Variants in SDK2 observed in about 807,000 individuals in gnomAD.
SDK2 encodes the protein protein sidekick-2.
In SDK2, 105 loss-of-function variants were observed where a neutral mutation model predicts 253.9. The observed-to-expected ratio is 0.41, with a 90% CI of 0.35 to 0.49. The LOEUF is 0.49. Among genes scored for constraint, SDK2 ranks in the 20% least tolerant of loss-of-function variants. The pLI, the probability that SDK2 is intolerant of heterozygous loss-of-function variation, is 0.06. For missense variants in SDK2, 2,608 were observed against 3,003.0 expected (o/e 0.87, Z 3.07); for synonymous variants, 1,249 against 1,234.9 (o/e 1.01, Z -0.24).
intron 18 of SDK2, among the ~76,000 whole-genome samples, chr17:73,412,102 GTATACGTA>G: frequency 1.1e-5 from 1 of 92,328 alleles, no homozygotes; most frequent in African/African-American, 4.0e-5. Flanking sequence ...ACGTATATAT[GTATACGTA>G]TATATGTATA....
intron 37 of SDK2, among the ~76,000 whole-genome samples, chr17:73,366,864 C>T (rs9908830): frequency 0.016 from 2,479 of 152,182 alleles, 74 homozygotes; most frequent in African/African-American, 0.056. Context: ...TTCAGCCTCC[C>T]GATCTCCCCT....
intron 1 of SDK2, among the ~76,000 whole-genome samples, chr17:73,588,237 C>T (rs2045631095): frequency 7.1e-6 from 1 of 140,924 alleles, no homozygotes. Flanking sequence ...AAAATACAAA[C>T]TTAGCTGGGC....
chr17:73,446,744 C>G (rs1336928739), intron 5 of SDK2, among the ~76,000 whole-genome samples: 1 of 152,132 alleles, frequency 6.6e-6, no homozygotes, highest in Non-Finnish European at 1.5e-5. Context: ...TCTGCCTCCC[C>G]CAGCTTGTGT....
Position 73,379,163 on chromosome 17 carries a change from C to T in SDK2, c.4980+14G>A, listed in dbSNP as rs1472323166. ...CATCCGTGCACCCCTTTGCTCTGCCCGAGGGCACCCTACCTTGTACCCCTG... is the reference window on the plus strand; with the variant it reads ...CATCCGTGCACCCCTTTGCTCTGCCTGAGGGCACCCTACCTTGTACCCCTG... On this transcript the variant is annotated intron_variant, in intron 36 of 44. Transcript: ENST00000392650. The surrounding 1 kb of genome is among the most constrained non-coding windows in gnomAD (Gnocchi z 4.5). 2.3e-5 allele frequency: 36 copies of T among 1,548,012 alleles called. 1 individual carries two copies. Among genetic ancestry groups the T allele is most frequent in the South Asian group, 1.1e-4 (9 of 83,942 alleles).
Position 73,393,605 on chromosome 17 carries a change from C to T in SDK2, c.3853G>A (p.Gly1285Ser), listed in dbSNP as rs199620964. 80 of 1,580,806 alleles carry T rather than the reference C, an allele frequency of 5.1e-5. No individual in the cohort carries two copies. Among genetic ancestry groups the T allele is most frequent in the Non-Finnish European group, 1.7e-5 (20 of 1,156,548 alleles). The change falls in exon 27 of 45, where the codon GGC becomes AGC. Residue 1285 changes from glycine (G) to serine (S), a missense_variant. This residue lies in a region of SDK2 where 1,505 missense variants were observed against 1,859.1 expected (regional missense o/e 0.81). Coordinates refer to ENST00000392650, the MANE Select transcript of SDK2 (RefSeq NM_001144952.2). ...QVLAFTRIGD[G>S]SPSHPPILER... Reference sequence around the variant, plus strand: ...AGGATGGGAGGGTGGCTGGGGCTGCCGTCCCCGATGCGTGTGAAGGCCAGC... The same window carrying T: ...AGGATGGGAGGGTGGCTGGGGCTGCTGTCCCCGATGCGTGTGAAGGCCAGC...
At chr17:73,563,694 G>A (rs1599681869) in intron 1 of SDK2, among the ~76,000 whole-genome samples, 1 of 152,232 alleles carries the variant, frequency 6.6e-6, no homozygotes, top group East Asian at 1.9e-4. Flanking sequence ...TCAATTTTAG[G>A]TATACATATT....
Position 73,578,543 on chromosome 17 carries a change from G to A in SDK2, c.64+65482C>T, listed in dbSNP as rs114560186. On this transcript the variant is annotated intron_variant, in intron 1 of 44. Coordinates refer to ENST00000392650, the MANE Select transcript of SDK2 (RefSeq NM_001144952.2). Reference sequence around the variant, plus strand: ...CCAGGGTTGTGACAATTAATGACTCGGTGACACACAGCAAACAGAGGAGTG... The same window carrying A: ...CCAGGGTTGTGACAATTAATGACTCAGTGACACACAGCAAACAGAGGAGTG... Among the ~76,000 whole-genome samples the A allele has an allele frequency of 4.6e-3, 705 of 152,228 alleles. 4 individuals are homozygous for A. The highest frequency in any genetic ancestry group is 0.016 in the African/African-American group (668 of 41,522).
intron 44 of SDK2, among the ~76,000 whole-genome samples, chr17:73,344,799 A>C (rs763407693): frequency 7.2e-5 from 11 of 152,244 alleles, no homozygotes; most frequent in Non-Finnish European, 1.6e-4. Flanking sequence ...AGAGGCAAAC[A>C]CAGGCAAAAG....
intron 43 of SDK2, 107 bp downstream of exon 43, chr17:73,350,130 A>G: frequency 1.4e-6 from 1 of 735,324 alleles, no homozygotes; most frequent in Non-Finnish European, 1.8e-6. Context: ...GTTTCCCAGG[A>G]CAAGGTATGG....
intron 9 of SDK2, among the ~76,000 whole-genome samples, chr17:73,434,097 C>A (rs920199944): frequency 7.9e-5 from 12 of 152,242 alleles, no homozygotes; most frequent in African/African-American, 2.9e-4. Flanking sequence ...CCAGTCCCCA[C>A]ACTGCTTGGA....
At chr17:73,358,861 C>T (rs2062616140) in intron 39 of SDK2, among the ~76,000 whole-genome samples, 1 of 152,112 alleles carries the variant, frequency 6.6e-6, no homozygotes, top group Non-Finnish European at 1.5e-5. Flanking sequence ...GACTGGGCCC[C>T]ATGCCGCGCT....
chr17:73,390,981 T>A (rs1332752320), intron 28 of SDK2, among the ~76,000 whole-genome samples: 3 of 152,188 alleles, frequency 2.0e-5, no homozygotes, highest in Non-Finnish European at 2.9e-5. Flanking sequence ...GGGAGTAGAC[T>A]TGCTCAAGTT....
chr17:73,388,602 C>T (rs914203661), intron 29 of SDK2, among the ~76,000 whole-genome samples: 7 of 152,214 alleles, frequency 4.6e-5, no homozygotes, highest in African/African-American at 1.7e-4. Flanking sequence ...CACTTGATGC[C>T]AGTAGCACTC....
intron 18 of SDK2, among the ~76,000 whole-genome samples, chr17:73,407,324 G>A (rs569241399): frequency 1.6e-4 from 24 of 152,284 alleles, no homozygotes; most frequent in African/African-American, 5.1e-4. Flanking sequence ...CTGGGGCCAC[G>A]TCAAGAGGGC....
intron 1 of SDK2, chr17:73,517,866 G>C (rs910038632): frequency 3.3e-5 from 5 of 152,334 alleles, no homozygotes; most frequent in African/African-American, 1.2e-4. Context: ...TTCTTTACCA[G>C]GAAAATGTTG....
At chr17:73,451,503 TCAAAA>T (rs1471105715) in intron 4 of SDK2, among the ~76,000 whole-genome samples, 3 of 152,028 alleles carry the variant, frequency 2.0e-5, no homozygotes, top group African/African-American at 7.3e-5. Flanking sequence ...AAAATCCATC[TCAAAA>T]CAAAAACATA....
intron 1 of SDK2, among the ~76,000 whole-genome samples, chr17:73,559,591 T>C (rs2045197099): frequency 4.6e-5 from 6 of 130,646 alleles, no homozygotes; most frequent in African/African-American, 1.7e-4. Flanking sequence ...CCCACTCCGC[T>C]CCCTGTGCCC....
At position 73,545,099 on chromosome 17, in the gene SDK2, G is replaced by GCGCACACACA. The variant is rs147498499; in HGVS notation, c.65-37503_65-37502insTGTGTGTGCG. 6.1e-4 allele frequency among the ~76,000 whole-genome samples: 89 copies of GCGCACACACA among 145,816 alleles called. 1 individual carries two copies. Among genetic ancestry groups the GCGCACACACA allele is most frequent in the African/African-American group, 2.2e-3 (84 of 39,014 alleles). The stretch of plus-strand genomic sequence containing the variant: ...GCATTCTCATTGCGTGCACGTGCAC[G>GCGCACACACA]CACACACACACACACACACACACAC... On this transcript the variant is annotated intron_variant, in intron 1 of 44. Transcript: ENST00000392650.
intron 18 of SDK2, among the ~76,000 whole-genome samples, chr17:73,407,039 G>C (rs1413094332): frequency 6.6e-6 from 1 of 152,184 alleles, no homozygotes; most frequent in Admixed American, 6.5e-5. Flanking sequence ...TTATTAAAGA[G>C]TCTGTCATCA....
Sources: allele counts gnomAD v4.1 joint callset (sites outside exome capture counted in the v4.1 genomes callset), GRCh38; gene constraint gnomAD v4.1.1; regional missense constraint gnomAD v4.1.1; non-coding constraint Gnocchi (gnomAD v3.1); transcripts MANE v1.5; gene names NCBI Gene and HGNC (gene_info 2026-07-23, HGNC 2026-07-21).